CHD2: variants seen among roughly 807,000 people sequenced by gnomAD.
CHD2 encodes chromodomain helicase DNA binding protein 2, also known as ATP-dependent chromatin remodeler CHD2.
In CHD2, 28 loss-of-function variants were observed where a neutral mutation model predicts 243.9. That is an observed-to-expected ratio of 0.11 (90% CI 0.09 to 0.16). The LOEUF is 0.16. CHD2 is among the 10% of genes least tolerant of loss of function. The pLI is 1.00. For synonymous variants in CHD2, 775 were observed against 779.0 expected (o/e 0.99, Z 0.09); for missense variants, 1,386 against 2,209.8 (o/e 0.63, Z 7.47).
intron 36 of CHD2, among the ~76,000 whole-genome samples, chr15:93,012,886 A>G (rs984178834): frequency 7.2e-5 from 11 of 152,116 alleles, no homozygotes; most frequent in Non-Finnish European, 1.6e-4. Context: ...CTCCTTTGGA[A>G]TAGGGGGATG....
chr15:92,968,833 A>T (rs1195977790), intron 17 of CHD2, among the ~76,000 whole-genome samples: 1 of 152,198 alleles, frequency 6.6e-6, no homozygotes, highest in South Asian at 2.1e-4. Flanking sequence ...TCATGCTCTA[A>T]CAGTCCCATT....
chr15:93,024,503 A>G lies in CHD2; in HGVS notation c.5285A>G (p.Tyr1762Cys). The change falls in exon 39 of 39, where the codon TAC (tyrosine) becomes TGC (cysteine). Residue 1762 changes from tyrosine to cysteine, a missense_variant. By Grantham distance (194) the Tyr-to-Cys change is radical (BLOSUM62 -2). Around this residue, in one of 19 missense-constraint regions of CHD2, gnomAD observed 347 missense variants for 341.6 expected, o/e 1.02. Transcript: ENST00000394196. Reference protein sequence around the residue: ...GYHGQGPSDHYRSFHTDKLGE... With the variant: ...GYHGQGPSDHCRSFHTDKLGE... Reference sequence around the variant, plus strand: ...CATGGCCAGGGACCCTCAGACCATTACCGCTCTTTCCACACAGATAAACTG... The same window carrying G: ...CATGGCCAGGGACCCTCAGACCATTGCCGCTCTTTCCACACAGATAAACTG... 6.2e-7 allele frequency: 1 copy of G among 1,614,190 alleles called. No homozygotes were observed. The highest frequency in any genetic ancestry group is 1.1e-5 in the South Asian group (1 of 91,088).
chr15:92,930,729 T>A (rs1354904108), intron 5 of CHD2, among the ~76,000 whole-genome samples: 1 of 152,192 alleles, frequency 6.6e-6, no homozygotes, highest in African/African-American at 2.4e-5. Flanking sequence ...CCGCCACTTA[T>A]CAGTCTTAAG....
At chr15:92,980,452 C>T (rs568818790) in intron 22 of CHD2, among the ~76,000 whole-genome samples, 1 of 152,218 alleles carries the variant, frequency 6.6e-6, no homozygotes, top group South Asian at 2.1e-4. Context: ...ATGAGAAAAG[C>T]CTAGCTCTTT....
intron 2 of CHD2, among the ~76,000 whole-genome samples, chr15:92,913,850 C>A (rs1393920646): frequency 1.3e-5 from 2 of 151,906 alleles, no homozygotes; most frequent in Non-Finnish European, 2.9e-5. Context: ...AAGACCCTAT[C>A]CAAAAAAAAC....
intron 34 of CHD2, among the ~76,000 whole-genome samples, 166 bp downstream of exon 34, chr15:93,004,917 G>A (rs924127747): frequency 5.3e-5 from 8 of 152,184 alleles, no homozygotes; most frequent in Non-Finnish European, 1.2e-4. Flanking sequence ...CAGCAGGCTG[G>A]CAGGAAGAGA....
chr15:93,013,267 C>T (rs996082509), intron 36 of CHD2, among the ~76,000 whole-genome samples: 1 of 151,388 alleles, frequency 6.6e-6, no homozygotes, highest in African/African-American at 2.4e-5. Flanking sequence ...GAATCATATA[C>T]TAATAAGCAT....
intron 28 of CHD2, among the ~76,000 whole-genome samples, chr15:92,993,470 T>A (rs2054147192): frequency 6.6e-6 from 1 of 152,252 alleles, no homozygotes. Flanking sequence ...GTTGAGATTT[T>A]CATGCCACTA....
At chr15:93,023,938 T>TTTTTTTTTTTTTTTTTTTTTTTTTG (rs1555446625) in intron 38 of CHD2, among the ~76,000 whole-genome samples, 3 of 151,806 alleles carry the variant, frequency 2.0e-5, no homozygotes, top group South Asian at 2.1e-4. Flanking sequence ...CTAAAAATTT[T>TTTTTTTTTTTTTTTTTTTTTTTTTG]AATACTCTTC....
intron 10 of CHD2, chr15:92,945,345 C>A (rs2053446138): frequency 6.6e-6 from 1 of 151,208 alleles, no homozygotes. Context: ...AGTGGAGTGT[C>A]AGCCTGAGAG....
intron 6 of CHD2, among the ~76,000 whole-genome samples, chr15:92,939,140 A>G (rs1434804667): frequency 6.6e-6 from 1 of 152,060 alleles, no homozygotes; most frequent in Non-Finnish European, 1.5e-5. Context: ...AAATAATGCT[A>G]TAGTGAATAC....
intron 2 of CHD2, among the ~76,000 whole-genome samples, chr15:92,905,910 T>G (rs2052612998): frequency 6.6e-6 from 1 of 152,242 alleles, no homozygotes; most frequent in East Asian, 1.9e-4. Flanking sequence ...TCCCTTTTTG[T>G]GTAGAGACTG....
At chr15:92,929,243 G>C in intron 5 of CHD2, 152 bp downstream of exon 5, 1 of 652,130 alleles carries the variant, frequency 1.5e-6, no homozygotes, top group Non-Finnish European at 2.6e-6. Flanking sequence ...ACCTTGACCT[G>C]TTGCAATAGC....
intron 36 of CHD2, among the ~76,000 whole-genome samples, chr15:93,013,335 A>T (rs984146270): frequency 7.2e-5 from 11 of 152,232 alleles, no homozygotes; most frequent in Admixed American, 2.0e-4. Flanking sequence ...TGAAATAGTT[A>T]GGAAAGGCCC....
intron 2 of CHD2, among the ~76,000 whole-genome samples, chr15:92,917,211 G>A: frequency 6.6e-6 from 1 of 152,132 alleles, no homozygotes; most frequent in Admixed American, 6.5e-5. Flanking sequence ...AGAAGCACAG[G>A]ACTTGAACCA....
chr15:92,981,780 G>A (rs1193035022), intron 24 of CHD2, among the ~76,000 whole-genome samples: 1 of 152,184 alleles, frequency 6.6e-6, no homozygotes, highest in African/African-American at 2.4e-5. Context: ...CAATAGATCA[G>A]ATGCCAAAGA....
chr15:92,906,899 C>CG (rs965343627), intron 2 of CHD2, among the ~76,000 whole-genome samples: 8 of 152,090 alleles, frequency 5.3e-5, no homozygotes, highest in Non-Finnish European at 8.8e-5. Context: ...CTTGACTAAG[C>CG]GTTGAGTTCA....
intron 16 of CHD2, among the ~76,000 whole-genome samples, chr15:92,965,565 C>CAAAAAAAAAAAAAAAA (rs61447848): frequency 9.0e-6 from 1 of 111,040 alleles, no homozygotes; most frequent in Non-Finnish European, 1.7e-5. Context: ...ACTCTTTCTC[C>CAAAAAAAAAAAAAAAA]AAAAAAAAAA....
chr15:92,965,945 A>T (rs930757720), intron 16 of CHD2, among the ~76,000 whole-genome samples: 2 of 152,186 alleles, frequency 1.3e-5, no homozygotes. Context: ...GTATTCAGAA[A>T]ATAGCCTGAT....
Sources: gnomAD v4.1 joint callset for allele counts (sites outside exome capture counted in the v4.1 genomes callset) on GRCh38, gnomAD v4.1.1 for gene constraint, gnomAD v4.1.1 regional missense constraint, MANE v1.5 for transcripts, NCBI Gene and HGNC (gene_info 2026-07-23, HGNC 2026-07-21) for gene names.